The following COMMD5 variants were observed in gnomAD, a reference collection of about 807,000 sequenced individuals.
COMMD5 encodes the protein COMM domain-containing protein 5.
A neutral mutation model predicts 6.9 loss-of-function variants in COMMD5; 10 were observed. The ratio of observed to expected loss-of-function variants is 1.44; its 90% CI spans 0.89 to 2.45. The LOEUF (loss-of-function observed/expected upper bound fraction) is 2.45, where lower values mean the gene tolerates loss of function less well. Ranked by LOEUF, COMMD5 falls within the 30% of genes most tolerant of loss-of-function variation. The pLI is 0.00. For missense variants in COMMD5, 234 were observed against 287.8 expected (o/e 0.81, Z 1.35); for synonymous variants, 127 against 125.3 (o/e 1.01, Z -0.09).
chr8:144,848,988 AAC>A (rs1830626203), downstream of COMMD5, among the ~76,000 whole-genome samples: 1 of 152,196 alleles, frequency 6.6e-6, no homozygotes, highest in African/African-American at 2.4e-5. Flanking sequence ...AATTGAGGCA[AAC>A]ACAGATTCCC....
At chr8:144,851,483 T>C in intron 1 of COMMD5, 88 bp from the exon 2 acceptor site, 1 of 882,416 alleles carries the variant, frequency 1.1e-6, no homozygotes, top group East Asian at 2.6e-5. Context: ...ATCATCAGCA[T>C]GCTGACAGTG....
downstream of COMMD5, chr8:144,838,343 G>C (rs1829332954): frequency 3.5e-6 from 2 of 569,952 alleles, no homozygotes; most frequent in East Asian, 2.9e-5. Flanking sequence ...CTTCAAGTTA[G>C]GACTTCAGCC....
downstream of COMMD5, among the ~76,000 whole-genome samples, chr8:144,840,112 T>C (rs945890382): frequency 2.6e-5 from 4 of 152,184 alleles, no homozygotes; most frequent in South Asian, 6.2e-4. Context: ...CCTGCTCTCT[T>C]ATCTTCACAG....
In COMMD5 at chr8:144,850,838, G is replaced by A. The variant is rs1367200449; in HGVS notation, c.501C>T (p.Ala167=). The A allele has an allele frequency of 6.2e-7, 1 of 1,613,802 alleles. No individual in the cohort carries two copies. Among genetic ancestry groups the A allele is most frequent in the Non-Finnish European group, 8.5e-7 (1 of 1,180,018 alleles). The change falls in exon 2 of 2, where the codon GCC becomes GCT. Residue 167 remains alanine, a synonymous_variant. Transcript: ENST00000305103. The surrounding 1 kb of genome is among the most constrained non-coding windows in gnomAD (Gnocchi z 4.0). ...WRVDVAISTS[A]LARSLQPSVL... ...CGCTCGGCTGCAGGGAGCGAGCCAG[G>A]GCACTGGTGGAGATTGCTACATCCA... is the stretch of plus-strand genomic sequence containing the variant.
chr8:144,840,787 G>A (rs1304619398), downstream of COMMD5, among the ~76,000 whole-genome samples: 2 of 152,160 alleles, frequency 1.3e-5, no homozygotes, highest in Non-Finnish European at 2.9e-5. Context: ...GCAGCAGCCA[G>A]GAGGCAGCTG....
chr8:144,842,938 G>A (rs780700459), intron 1 of COMMD5: 10 of 1,614,128 alleles, frequency 6.2e-6, no homozygotes, highest in African/African-American at 1.3e-5. Context: ...GTGGTTTTAC[G>A]AATATGGGAA....
At chr8:144,841,647 T>C (rs2130702409) in exon 2 of COMMD5, 2 of 1,614,146 alleles carry the variant, frequency 1.2e-6, no homozygotes, top group Middle Eastern at 1.6e-4. Flanking sequence ...GCGGCCTGGA[T>C]TGTCAGCCTC....
At chr8:144,843,180 A>AT (rs1366692281) in intron 1 of COMMD5, 4 of 1,553,348 alleles carry the variant, frequency 2.6e-6, no homozygotes, top group Non-Finnish European at 3.5e-6. Flanking sequence ...CCACTTACAT[A>AT]TAAATGTGTA....
chr8:144,850,833 G>C lies in COMMD5; in HGVS notation c.506C>G (p.Ala169Gly). ...CAGGACGCTCGGCTGCAGGGAGCGAGCCAGGGCACTGGTGGAGATTGCTAC... is the reference window on the plus strand; with the variant it reads ...CAGGACGCTCGGCTGCAGGGAGCGACCCAGGGCACTGGTGGAGATTGCTAC... ...VDVAISTSAL[A>G]RSLQPSVLMQ... is the part of the protein sequence containing the mutation. Residue 169 changes from alanine (A) to glycine (G), a missense_variant, in exon 2 of 2, where the codon GCT becomes GGT. Transcript: ENST00000305103. This position sits in a 1 kb window ranked among gnomAD's most constrained non-coding sequence, Gnocchi z 4.0. The C allele has an allele frequency of 6.2e-7, 1 of 1,613,848 alleles. No homozygotes were observed. Among genetic ancestry groups the C allele is most frequent in the Non-Finnish European group, 8.5e-7 (1 of 1,180,018 alleles).
At chr8:144,844,567 G>A (rs541540275) in intron 1 of COMMD5, among the ~76,000 whole-genome samples, 6 of 152,068 alleles carry the variant, frequency 3.9e-5, no homozygotes, top group East Asian at 1.9e-4. Context: ...AAAATTAGCC[G>A]GGCGTGGTGG....
chr8:144,850,858 C>T lies in COMMD5; in HGVS notation c.481G>A (p.Val161Ile). ...GCCAGGGCACTGGTGGAGATTGCTA[C>T]ATCCACCCGCCACCGAAAGTCAGCA... is the stretch of plus-strand genomic sequence containing the variant. ...HVADFRWRVD[V>I]AISTSALARS... Residue 161 changes from valine to isoleucine, a missense_variant, in exon 2 of 2, where the codon GTA (valine) becomes ATA (isoleucine). Physicochemically the swap from Val to Ile is conservative, Grantham distance 29 (BLOSUM62 3). Coordinates refer to ENST00000305103, the MANE Select transcript of COMMD5 (RefSeq NM_014066.4). The surrounding 1 kb of genome is among the most constrained non-coding windows in gnomAD (Gnocchi z 4.0). The T allele has an allele frequency of 6.2e-7, 1 of 1,613,316 alleles. No homozygotes were observed. Among genetic ancestry groups the T allele is most frequent in the Non-Finnish European group, 8.5e-7 (1 of 1,179,876 alleles).
chr8:144,843,963 T>C (rs1398936882), intron 1 of COMMD5, among the ~76,000 whole-genome samples: 1 of 152,186 alleles, frequency 6.6e-6, no homozygotes, highest in South Asian at 2.1e-4. Flanking sequence ...GGCCCAGCCC[T>C]ATCCCCTTCC....
chr8:144,852,739 G>GGGGGCGCGGCGTCGCCCGTTCC (rs892109731), intron 1 of COMMD5, 100 bp downstream of exon 1: 4 of 152,260 alleles, frequency 2.6e-5, no homozygotes, highest in Non-Finnish European at 5.9e-5. Flanking sequence ...CGGCTCTGAT[G>GGGGGCGCGGCGTCGCCCGTTCC]GGGGCGCGGC....
downstream of COMMD5, among the ~76,000 whole-genome samples, chr8:144,849,207 A>C: frequency 6.6e-6 from 1 of 152,232 alleles, no homozygotes; most frequent in East Asian, 1.9e-4. Flanking sequence ...CAGAGAATGC[A>C]GGAAGTGGCT....
At chr8:144,845,154 G>C (rs1335147875) in intron 1 of COMMD5, among the ~76,000 whole-genome samples, 1 of 152,214 alleles carries the variant, frequency 6.6e-6, no homozygotes, top group Non-Finnish European at 1.5e-5. Context: ...GCCAAGAACT[G>C]AGGGTCTGAG....
At chr8:144,838,714 G>C (rs145048990), downstream of COMMD5, 402 of 152,792 alleles carry the variant, frequency 2.6e-3, 2 homozygotes, top group Non-Finnish European at 3.8e-3. Context: ...AGGCCGAGGT[G>C]GGCGGATCAC....
chr8:144,845,896 G>C (rs1037604108), downstream of COMMD5: 4 of 1,375,858 alleles, frequency 2.9e-6, no homozygotes, highest in Middle Eastern at 2.2e-4. Context: ...CTGCTGAGAA[G>C]GGTCTTGGCA....
chr8:144,852,780 T>C (rs995247434), intron 1 of COMMD5, 59 bp downstream of exon 1: 1 of 152,266 alleles, frequency 6.6e-6, no homozygotes, highest in African/African-American at 2.4e-5. Context: ...GGGACCTTGG[T>C]GCACAGAGTC....
downstream of COMMD5, chr8:144,845,887 T>G: frequency 7.7e-7 from 1 of 1,305,544 alleles, no homozygotes. Context: ...GTCACGTGGC[T>G]GCTGAGAAGG....
Sources: allele counts gnomAD v4.1 joint callset (sites outside exome capture counted in the v4.1 genomes callset), GRCh38; gene constraint gnomAD v4.1.1; non-coding constraint Gnocchi (gnomAD v3.1); transcripts MANE v1.5; gene names NCBI Gene and HGNC (gene_info 2026-07-23, HGNC 2026-07-21).